Variants in NKAIN2 observed in about 807,000 individuals in gnomAD.
NKAIN2 encodes the protein sodium/potassium-transporting ATPase subunit beta-1-interacting protein 2.
NKAIN2 carries 14 observed loss-of-function variants against 32.6 expected under a neutral mutation model. The ratio of observed to expected loss-of-function variants is 0.43; its 90% CI spans 0.28 to 0.67. NKAIN2 has a LOEUF of 0.67. NKAIN2 is among the 30% of genes least tolerant of loss of function. NKAIN2 has a pLI of 0.17. For missense variants in NKAIN2, 198 were observed against 258.3 expected, an observed-to-expected ratio of 0.77 and a Z score of 1.60; for synonymous variants, 80 against 87.2, an observed-to-expected ratio of 0.92 and a Z score of 0.46.
At chr6:124,442,866 G>A (rs1360969502) in intron 3 of NKAIN2, among the ~76,000 whole-genome samples, 1 of 152,062 alleles carries the variant, frequency 6.6e-6, no homozygotes, top group African/African-American at 2.4e-5. Flanking sequence ...CATCAAAGAT[G>A]TTTCTGGCAT....
intron 1 of NKAIN2, among the ~76,000 whole-genome samples, chr6:123,832,133 T>C (rs12191883): frequency 0.43 from 65,023 of 152,006 alleles, 14,118 homozygotes; most frequent in South Asian, 0.47. Flanking sequence ...CATCCATTCA[T>C]CTCTGCGCCC....
chr6:124,361,589 C>T (rs943956205), intron 3 of NKAIN2, among the ~76,000 whole-genome samples: 1 of 151,970 alleles, frequency 6.6e-6, no homozygotes, highest in Non-Finnish European at 1.5e-5. Context: ...AGAATGAACA[C>T]ATTTAGAAGC....
At chr6:124,003,233 T>C (rs1255815987) in intron 1 of NKAIN2, among the ~76,000 whole-genome samples, 1 of 152,216 alleles carries the variant, frequency 6.6e-6, no homozygotes, top group Non-Finnish European at 1.5e-5. Context: ...AGTCACATTT[T>C]CATAGACTTA....
intron 1 of NKAIN2, among the ~76,000 whole-genome samples, chr6:123,894,455 A>G (rs1582731369): frequency 1.3e-5 from 2 of 152,236 alleles, no homozygotes; most frequent in South Asian, 4.1e-4. Context: ...CAGATTGTGA[A>G]GGTTAGAGAA....
At chr6:124,196,575 C>A (rs1044751685) in intron 1 of NKAIN2, among the ~76,000 whole-genome samples, 1 of 152,016 alleles carries the variant, frequency 6.6e-6, no homozygotes, top group Non-Finnish European at 1.5e-5. Context: ...ATATACCCAA[C>A]CTTTGCATCT....
intron 1 of NKAIN2, among the ~76,000 whole-genome samples, chr6:124,069,614 A>G (rs1273085674): frequency 1.3e-5 from 2 of 152,194 alleles, no homozygotes; most frequent in Non-Finnish European, 2.9e-5. Context: ...CAGGTGACCT[A>G]CAGCAAGTTT....
intron 3 of NKAIN2, among the ~76,000 whole-genome samples, chr6:124,631,708 A>G (rs1783575322): frequency 6.6e-6 from 1 of 152,154 alleles, no homozygotes; most frequent in South Asian, 2.1e-4. Context: ...TTAACTATAA[A>G]GGAGTCTGAT....
intron 1 of NKAIN2, among the ~76,000 whole-genome samples, chr6:124,246,484 A>T (rs1793405985): frequency 1.3e-5 from 2 of 152,070 alleles, no homozygotes. Context: ...GCCTACCTCC[A>T]CAACTCATAA....
At chr6:124,609,923 A>C (rs17764719) in intron 3 of NKAIN2, among the ~76,000 whole-genome samples, 14,048 of 152,136 alleles carry the variant, frequency 0.092, 702 homozygotes, top group South Asian at 0.22. Flanking sequence ...AGACAATAAT[A>C]GTAATCTACC....
chr6:123,910,385 C>G (rs1327206365), intron 1 of NKAIN2, among the ~76,000 whole-genome samples: 1 of 151,640 alleles, frequency 6.6e-6, no homozygotes, highest in East Asian at 1.9e-4. Flanking sequence ...AGATTTTCCA[C>G]TAATTAATAC....
At chr6:124,392,058 A>T (rs1251176652) in intron 3 of NKAIN2, among the ~76,000 whole-genome samples, 1 of 152,176 alleles carries the variant, frequency 6.6e-6, no homozygotes, top group Non-Finnish European at 1.5e-5. Context: ...ACTCAAGGCA[A>T]TGTATCTATT....
At chr6:123,952,582 C>A (rs1316046438) in intron 1 of NKAIN2, among the ~76,000 whole-genome samples, 3 of 152,084 alleles carry the variant, frequency 2.0e-5, no homozygotes, top group Non-Finnish European at 4.4e-5. Context: ...CTTTTTAAAA[C>A]ATTCTTTTTA....
chr6:124,228,455 G>C (rs7760778), intron 1 of NKAIN2, among the ~76,000 whole-genome samples: 1 of 152,052 alleles, frequency 6.6e-6, no homozygotes, highest in African/African-American at 2.4e-5. Flanking sequence ...AGGCATCCAG[G>C]CTCTTATACT....
chr6:124,709,241 CA>C (rs1371347937), intron 4 of NKAIN2, among the ~76,000 whole-genome samples: 38 of 148,954 alleles, frequency 2.6e-4, no homozygotes, highest in Non-Finnish European at 8.9e-5. Context: ...TTTGTTTTGC[CA>C]GTATTTTATT....
At chr6:123,870,202 A>G (rs1010004487) in intron 1 of NKAIN2, among the ~76,000 whole-genome samples, 2 of 152,306 alleles carry the variant, frequency 1.3e-5, no homozygotes, top group South Asian at 4.1e-4. Flanking sequence ...ACAATAGACA[A>G]TATAAATAAA....
chr6:123,954,983 G>T (rs555828991), intron 1 of NKAIN2, among the ~76,000 whole-genome samples: 5 of 152,140 alleles, frequency 3.3e-5, no homozygotes, highest in African/African-American at 9.6e-5. Flanking sequence ...TGAGCTGGGG[G>T]TAAAGCACAG....
At chr6:124,056,781 A>T (rs900736043) in intron 1 of NKAIN2, among the ~76,000 whole-genome samples, 1 of 151,928 alleles carries the variant, frequency 6.6e-6, no homozygotes, top group African/African-American at 2.4e-5. Flanking sequence ...TGCCTCTCAA[A>T]CGGTCGCACA....
At chr6:123,899,472 T>C (rs1262685851) in intron 1 of NKAIN2, among the ~76,000 whole-genome samples, 1 of 152,228 alleles carries the variant, frequency 6.6e-6, no homozygotes, top group East Asian at 1.9e-4. Flanking sequence ...GTCCCTGGGA[T>C]GCTATTTATT....
At chr6:124,551,615 A>AT (rs1450921921) in intron 3 of NKAIN2, among the ~76,000 whole-genome samples, 2 of 152,198 alleles carry the variant, frequency 1.3e-5, no homozygotes, top group Non-Finnish European at 2.9e-5. Context: ...GGAAAAGGTG[A>AT]TTTTTAAGCT....
Sources: gnomAD v4.1 joint callset for allele counts (sites outside exome capture counted in the v4.1 genomes callset) on GRCh38, gnomAD v4.1.1 for gene constraint, MANE v1.5 for transcripts, NCBI Gene and HGNC (gene_info 2026-07-23, HGNC 2026-07-21) for gene names.